Variants in PUS7 observed in about 807,000 individuals in gnomAD.
PUS7 encodes pseudouridylate synthase 7 homolog.
Under a neutral mutation model 79.8 loss-of-function variants are expected in PUS7, and 48 were observed. The observed-to-expected ratio is 0.60, with a 90% confidence interval of 0.48 to 0.76. The LOEUF is 0.76. Among genes scored for constraint, PUS7 ranks in the 30% least tolerant of loss-of-function variants. The pLI, the probability that PUS7 is intolerant of heterozygous loss-of-function variation, is 0.00. For synonymous variants in PUS7, 286 were observed against 272.2 expected (o/e 1.05, Z -0.50); for missense variants, 729 against 797.6 (o/e 0.91, Z 1.04).
intron 1 of PUS7, among the ~76,000 whole-genome samples, chr7:105,520,521 A>AATAAATAAATAC (rs1167917024): frequency 1.7e-3 from 14 of 8,346 alleles, no homozygotes; most frequent in Admixed American, 2.6e-3. Flanking sequence ...ACTGTCTCAA[A>AATAAATAAATAC]ATAAATAAAT....
intron 14 of PUS7, among the ~76,000 whole-genome samples, chr7:105,461,835 C>T (rs1419512426): frequency 1.3e-5 from 2 of 152,138 alleles, no homozygotes; most frequent in African/African-American, 4.8e-5. Context: ...GTACTGAATA[C>T]TGGAGGCTGC....
At chr7:105,521,957 T>A (rs974840698) in intron 1 of PUS7, 95 bp downstream of exon 1, 1 of 152,378 alleles carries the variant, frequency 6.6e-6, no homozygotes, top group Admixed American at 6.5e-5. Flanking sequence ...GCCTTCCCAG[T>A]CCGCACTGCC....
intron 7 of PUS7, among the ~76,000 whole-genome samples, chr7:105,488,090 A>G (rs1586137518): frequency 6.6e-6 from 1 of 152,198 alleles, no homozygotes; most frequent in Non-Finnish European, 1.5e-5. Context: ...TAGGTGTCTA[A>G]CACAGTTTCT....
rs1220029796 is a variant in PUS7 at position 105,465,381 on chromosome 7, T to A, written c.1559A>T (p.Asn520Ile). The A allele has an allele frequency of 6.2e-7, 1 of 1,613,388 alleles. No homozygotes were observed. The highest frequency in any genetic ancestry group is 8.5e-7 in the Non-Finnish European group (1 of 1,179,538). ...TATYIEEDDV[N>I]NYSIHDVVMP... The stretch of plus-strand genomic sequence containing the variant: ...TACCACATCATGGATAGAGTAATTA[T>A]TAACATCATCTTCCTCAATATAGGT... The change falls in exon 13 of 16, where the codon AAT (asparagine) becomes ATT (isoleucine). Residue 520 changes from asparagine (N) to isoleucine (I), a missense_variant. Asn to Ile is a moderately radical substitution (Grantham distance 149). Transcript: ENST00000469408.
chr7:105,514,470 G>A (rs1208090596), intron 1 of PUS7, among the ~76,000 whole-genome samples: 2 of 150,676 alleles, frequency 1.3e-5, no homozygotes, highest in Non-Finnish European at 3.0e-5. Context: ...TGGGCGTGGT[G>A]ACGGGCGCCT....
chr7:105,462,671 G>A lies in PUS7; in HGVS notation c.1707C>T (p.Ser569=), dbSNP rs1405684444. 6 of 1,613,822 alleles carry A rather than the reference G, an allele frequency of 3.7e-6. No homozygotes were observed. Among genetic ancestry groups the A allele is most frequent in the Non-Finnish European group, 5.1e-6 (6 of 1,179,926 alleles). Residue 569 remains serine (S), a synonymous_variant, in exon 14 of 16, where the codon TCC becomes TCT. Coordinates refer to ENST00000469408, the MANE Select transcript of PUS7 (RefSeq NM_019042.5). ...TGATCTTTCGGTAGGCCCCTGACAAGGAATAATCTCGAATTTTGTGTCTCA... is the reference window on the plus strand; with the variant it reads ...TGATCTTTCGGTAGGCCCCTGACAAAGAATAATCTCGAATTTTGTGTCTCA... The part of the protein sequence containing the change: ...DNMRHKIRDY[S]LSGAYRKIII...
At chr7:105,464,135 G>A (rs189311062) in intron 13 of PUS7, among the ~76,000 whole-genome samples, 1 of 152,312 alleles carries the variant, frequency 6.6e-6, no homozygotes, top group Admixed American at 6.5e-5. Flanking sequence ...GCTTTGCTGA[G>A]TTTATGTTCT....
intron 4 of PUS7, among the ~76,000 whole-genome samples, chr7:105,504,423 T>C (rs1218610750): frequency 1.3e-5 from 2 of 152,128 alleles, no homozygotes; most frequent in Non-Finnish European, 1.5e-5. Flanking sequence ...CCAAACTACA[T>C]TACGATTACA....
chr7:105,480,751 G>C (rs1824287666), intron 9 of PUS7, among the ~76,000 whole-genome samples: 1 of 152,014 alleles, frequency 6.6e-6, no homozygotes, highest in Non-Finnish European at 1.5e-5. Context: ...ACTCCAGCCT[G>C]GGCAACAAGG....
chr7:105,502,382 G>A (rs368763014), intron 5 of PUS7, 38 bp downstream of exon 5: 12 of 1,612,548 alleles, frequency 7.4e-6, no homozygotes, highest in Non-Finnish European at 9.3e-6. Flanking sequence ...TGCCGCTCAC[G>A]GCTGCCTGGC....
intron 5 of PUS7, among the ~76,000 whole-genome samples, chr7:105,500,733 A>G (rs1448399337): frequency 1.3e-5 from 2 of 152,132 alleles, no homozygotes; most frequent in African/African-American, 2.4e-5. Context: ...CTCTCCATCT[A>G]CAGTAGTTAC....
chr7:105,496,196 C>CACATAT (rs1491224026), intron 5 of PUS7, among the ~76,000 whole-genome samples: 1 of 81,536 alleles, frequency 1.2e-5, no homozygotes, highest in Non-Finnish European at 2.2e-5. Flanking sequence ...CACACACACA[C>CACATAT]ATATATATAT....
At chr7:105,464,735 A>G (rs1823566667) in intron 13 of PUS7, among the ~76,000 whole-genome samples, 2 of 149,710 alleles carry the variant, frequency 1.3e-5, no homozygotes, top group Non-Finnish European at 3.0e-5. Context: ...CAGTTCTCCC[A>G]TTTGCAGATG....
At chr7:105,494,654 T>C (rs1370613106) in intron 6 of PUS7, among the ~76,000 whole-genome samples, 3 of 152,098 alleles carry the variant, frequency 2.0e-5, no homozygotes, top group African/African-American at 7.2e-5. Flanking sequence ...GTGATCTGCC[T>C]TCCTCGGCCT....
At chr7:105,516,685 C>T (rs1825908051) in intron 1 of PUS7, among the ~76,000 whole-genome samples, 2 of 150,242 alleles carry the variant, frequency 1.3e-5, no homozygotes, top group Admixed American at 6.7e-5. Flanking sequence ...AACTCCTGAT[C>T]TCAGGTGATC....
Position 105,481,110 on chromosome 7 carries a change from T to A in PUS7, c.1117A>T (p.Asn373Tyr). 6.2e-7 allele frequency: 1 copy of A among 1,612,924 alleles called. No individual in the cohort carries two copies. Among genetic ancestry groups the A allele is most frequent in the Non-Finnish European group, 8.5e-7 (1 of 1,179,168 alleles). The change falls in exon 9 of 16, where the codon AAC (asparagine) becomes TAC (tyrosine). Residue 373 changes from asparagine to tyrosine, a missense_variant. Transcript: ENST00000469408. The stretch of plus-strand genomic sequence containing the variant: ...CCAAATCTTTGCATTCCATAGTAGT[T>A]AATAAATCCAATCTCCTTGAGAGAG... ...MNSLKEIGFI[N>Y]YYGMQRFGTT...
In PUS7 at chr7:105,512,161, A is replaced by C. The variant is rs1825729880; in HGVS notation, c.-32-3617T>G. 7.9e-5 allele frequency among the ~76,000 whole-genome samples: 12 copies of C among 151,586 alleles called. No homozygotes were observed. The South Asian group carries it at 2.5e-3, about 32-fold the overall frequency. ...TTCTGTCTCAAAAAAAAAAAAAAAAAAAAAAAAAAAAATCCTTTGAAAGAC... is the reference window on the plus strand; with the variant it reads ...TTCTGTCTCAAAAAAAAAAAAAAAACAAAAAAAAAAAATCCTTTGAAAGAC... On this transcript the variant is annotated intron_variant, in intron 1 of 15. Transcript: ENST00000469408.
At chr7:105,460,497 C>T (rs1823376839) in intron 14 of PUS7, among the ~76,000 whole-genome samples, 2 of 152,084 alleles carry the variant, frequency 1.3e-5, no homozygotes, top group South Asian at 4.1e-4. Context: ...TGGAAATAGG[C>T]AACTAGTTCA....
At chr7:105,468,283 G>T (rs1823738199) in intron 12 of PUS7, 54 bp downstream of exon 12, 5 of 1,583,966 alleles carry the variant, frequency 3.2e-6, no homozygotes, top group Non-Finnish European at 4.3e-6. Flanking sequence ...AGCCACTAGT[G>T]GCAACTAACT....
Sources: allele counts gnomAD v4.1 joint callset (sites outside exome capture counted in the v4.1 genomes callset), GRCh38; gene constraint gnomAD v4.1.1; transcripts MANE v1.5; gene names NCBI Gene and HGNC (gene_info 2026-07-23, HGNC 2026-07-21).